SLC25A24: variants seen among roughly 807,000 people sequenced by gnomAD.
SLC25A24 encodes mitochondrial adenyl nucleotide antiporter SLC25A24.
Under a neutral mutation model 60.7 loss-of-function variants are expected in SLC25A24, and 49 were observed. The observed-to-expected ratio is 0.81, with a 90% CI of 0.64 to 1.02. The LOEUF is 1.02. SLC25A24 is among the 50% of genes least tolerant of loss of function. The probability of loss-of-function intolerance (pLI) is 0.00; values close to 1 mark genes in which losing one functional copy is unlikely to be tolerated. For missense variants in SLC25A24, 564 were observed against 586.3 expected (o/e 0.96, Z 0.39); for synonymous variants, 202 against 200.6 (o/e 1.01, Z -0.06).
At chr1:108,170,848 C>T (rs1361025226) in intron 3 of SLC25A24, among the ~76,000 whole-genome samples, 4 of 152,002 alleles carry the variant, frequency 2.6e-5, no homozygotes, top group Non-Finnish European at 5.9e-5. Flanking sequence ...GAAGACTAAA[C>T]TGAGAAAGTC....
intron 1 of SLC25A24, among the ~76,000 whole-genome samples, chr1:108,197,427 C>T (rs1648527983): frequency 6.6e-6 from 1 of 152,192 alleles, no homozygotes; most frequent in South Asian, 2.1e-4. Context: ...CAAACTACTA[C>T]CTTGAAACTT....
intron 4 of SLC25A24, among the ~76,000 whole-genome samples, chr1:108,160,654 G>A (rs1680044657): frequency 6.6e-6 from 1 of 152,228 alleles, no homozygotes; most frequent in African/African-American, 2.4e-5. Flanking sequence ...CCCCAGCCTG[G>A]GCACCATTGA....
In SLC25A24 at chr1:108,154,966, CG is replaced by C. The variant is rs544533376; in HGVS notation, c.822+16del. On this transcript the variant is annotated intron_variant, in intron 6 of 9. Coordinates refer to ENST00000565488, the MANE Select transcript of SLC25A24 (RefSeq NM_013386.5). ...AACTCCTCTTTGTTAATAAATTCCA[CG>C]GGTGATAACAATTACCTGTTCATAT... is the stretch of plus-strand genomic sequence containing the variant. 1.0e-5 allele frequency: 16 copies of C among 1,576,784 alleles called. 1 individual carries two copies. The African/African-American group carries it at 2.2e-4, about 21-fold the overall frequency.
At position 108,135,229 on chromosome 1, in the gene SLC25A24, T is replaced by A. The variant is rs141563800; in HGVS notation, c.*1424A>T. The A allele has an allele frequency of 3.1e-4, 48 of 152,666 alleles. No homozygotes were observed. Among genetic ancestry groups the A allele is most frequent in the African/African-American group, 1.1e-3 (45 of 41,568 alleles). The allele number at this position is 152,666 out of a possible 1,614,324, so 9.5% of individuals were successfully genotyped here. On this transcript the variant is annotated 3_prime_UTR_variant, in exon 10 of 10. Coordinates refer to ENST00000565488, the MANE Select transcript of SLC25A24 (RefSeq NM_013386.5). ...CAAACATAACTAATATAAATGAAAC[T>A]ACATTTTTAAAAATGTTTCACAAAC...
rs773383769 is a variant in SLC25A24 at position 108,143,621 on chromosome 1, C to A, written c.1020G>T (p.Leu340Phe). 6.2e-7 allele frequency: 1 copy of A among 1,613,618 alleles called. No homozygotes were observed. The highest frequency in any genetic ancestry group is 1.1e-5 in the South Asian group (1 of 91,056). Residue 340 changes from leucine (L) to phenylalanine (F), a missense_variant, in exon 8 of 10, where the codon TTG becomes TTT. Physicochemically the swap from Leu to Phe is conservative, Grantham distance 22. Coordinates refer to ENST00000565488, the MANE Select transcript of SLC25A24 (RefSeq NM_013386.5). ...GAACATAGCCTTTGTAAAAAGCTCC[C>A]AAGCCTTCATGTTTCAAAATCTTCT... Reference protein sequence around the residue: ...CAKKILKHEGLGAFYKGYVPN... With the variant: ...CAKKILKHEGFGAFYKGYVPN...
intron 5 of SLC25A24, 87 bp from the exon 6 acceptor site, chr1:108,155,222 C>A: frequency 1.7e-6 from 2 of 1,160,004 alleles, no homozygotes; most frequent in Non-Finnish European, 2.4e-6. Flanking sequence ...TTTTCAATAC[C>A]CTTTCTAACT....
intron 4 of SLC25A24, among the ~76,000 whole-genome samples, chr1:108,159,968 A>G (rs1680012478): frequency 6.6e-6 from 1 of 151,972 alleles, no homozygotes. Context: ...CCCGTTCTCA[A>G]TGAGCTGTTG....
At chr1:108,185,796 T>C (rs781058878) in intron 2 of SLC25A24, 32 bp downstream of exon 2, 3 of 1,538,946 alleles carry the variant, frequency 1.9e-6, no homozygotes, top group South Asian at 2.4e-5. Context: ...TGCTTCTTCA[T>C]AGCTGGTGAT....
At chr1:108,180,623 T>TCTCC (rs1553256134) in intron 3 of SLC25A24, among the ~76,000 whole-genome samples, 96 of 5,526 alleles carry the variant, frequency 0.017, no homozygotes, top group Non-Finnish European at 0.029. Context: ...AAGATCTCTC[T>TCTCC]CTCTCTCTCT....
rs749551277 is a variant in SLC25A24 at position 108,181,982 on chromosome 1, A to G, written c.357T>C (p.Gly119=). ...CTGCTTGTTGTTCAGAAATAGTCAG[A>G]CCCAGTGTCTGGAGAGACTGGACAA... ...SEIVQSLQTL[G]LTISEQQAEL... Residue 119 remains glycine (G), a synonymous_variant, in exon 3 of 10, where the codon GGT becomes GGC. Coordinates refer to ENST00000565488, the MANE Select transcript of SLC25A24 (RefSeq NM_013386.5). 1 of 1,613,176 alleles carries G rather than the reference A, an allele frequency of 6.2e-7. No homozygotes were observed. Among genetic ancestry groups the G allele is most frequent in the Admixed American group, 1.7e-5 (1 of 59,930 alleles).
At position 108,161,280 on chromosome 1, in the gene SLC25A24, C is replaced by T; in HGVS notation, c.412G>A (p.Gly138Arg). The change falls in exon 4 of 10, where the codon GGG becomes AGG. Residue 138 changes from glycine (G) to arginine (R), a missense_variant. By Grantham distance (125) the Gly-to-Arg change is moderately radical. Transcript: ENST00000565488. ...TCATTCCAGTCCACTGTCATTGTCC[C>T]ATCAACATCAATGCTGAAATTTTAA... ...ELILQSIDVDGTMTVDWNEWR... is the reference protein window; with the variant it reads ...ELILQSIDVDRTMTVDWNEWR... 6.4e-7 allele frequency: 1 copy of T among 1,562,436 alleles called. No individual in the cohort carries two copies. The highest frequency in any genetic ancestry group is 1.1e-5 in the South Asian group (1 of 87,158).
Position 108,138,102 on chromosome 1 carries a change from G to T in SLC25A24, c.1249+956C>A, listed in dbSNP as rs549639003. Among the ~76,000 whole-genome samples, 3 of 152,334 alleles carry T rather than the reference G, an allele frequency of 2.0e-5. No individual in the cohort carries two copies. The East Asian group carries it at 5.8e-4, about 29-fold the overall frequency. ...TCTGCAGCGCCCAAGTTAGGTTATA[G>T]CTCCTTGCTCTGTGCTCCCCTAACA... is the stretch of plus-strand genomic sequence containing the variant. On this transcript the variant is annotated intron_variant, in intron 9 of 9. Transcript: ENST00000565488.
rs754683992 is a variant in SLC25A24 at position 108,143,538 on chromosome 1, C to T, written c.1098+5G>A. 1.9e-6 allele frequency: 3 copies of T among 1,597,416 alleles called. No individual in the cohort carries two copies. The highest frequency in any genetic ancestry group is 2.6e-6 in the Non-Finnish European group (3 of 1,174,138). On this transcript the variant is annotated splice_donor_5th_base_variant and intron_variant, in intron 8 of 9. Coordinates refer to ENST00000565488, the MANE Select transcript of SLC25A24 (RefSeq NM_013386.5). ...TTCCAATTCAAAAGATTTCTACAAA[C>T]TCACCTCATACACAGCAAGATCTAT...
At chr1:108,153,406 C>A (rs1275967057) in intron 6 of SLC25A24, among the ~76,000 whole-genome samples, 2 of 152,164 alleles carry the variant, frequency 1.3e-5, no homozygotes, top group Admixed American at 1.3e-4. Context: ...AGCCTATTTA[C>A]CCCGAAGTAA....
chr1:108,158,808 T>C (rs1367663956), intron 4 of SLC25A24, among the ~76,000 whole-genome samples: 1 of 151,376 alleles, frequency 6.6e-6, no homozygotes, highest in East Asian at 1.9e-4. Flanking sequence ...GAGACCATCC[T>C]GGCTAACACG....
At position 108,200,167 on chromosome 1, in the gene SLC25A24, A is replaced by T; in HGVS notation, c.-29T>A. On this transcript the variant is annotated 5_prime_UTR_variant, in exon 1 of 10. Transcript: ENST00000565488. ...CCCAGAGGCGCAGGCGGCCTGGCCG[A>T]GGAAGTCACGGGAGATCGAGGGCTG... 6.5e-7 allele frequency: 1 copy of T among 1,533,372 alleles called. No homozygotes were observed. Among genetic ancestry groups the T allele is most frequent in the Non-Finnish European group, 8.7e-7 (1 of 1,143,458 alleles). 95.0% of individuals were successfully genotyped at this position (1,533,372 alleles called of 1,614,324 possible). A position where few individuals can be genotyped will look rare whatever the true frequency, so the allele number is the denominator to read the frequency against.
intron 3 of SLC25A24, among the ~76,000 whole-genome samples, chr1:108,172,319 CTGTTTTGTGT>C (rs1191037693): frequency 6.6e-6 from 1 of 152,148 alleles, no homozygotes; most frequent in Non-Finnish European, 1.5e-5. Flanking sequence ...CTGTGTTAGT[CTGTTTTGTGT>C]TGTTTTAAAC....
intron 3 of SLC25A24, among the ~76,000 whole-genome samples, chr1:108,171,473 G>A (rs1170846713): frequency 6.6e-6 from 1 of 152,164 alleles, no homozygotes; most frequent in South Asian, 2.1e-4. Context: ...GCCCACTATG[G>A]TCTAGAGAGT....
chr1:108,161,225 A>C lies in SLC25A24; in HGVS notation c.467T>G (p.Val156Gly). The change falls in exon 4 of 10, where the codon GTT becomes GGT. Residue 156 changes from valine to glycine, a missense_variant. Physicochemically the swap from Val to Gly is moderately radical, Grantham distance 109. Transcript: ENST00000565488. ...EWRDYFLFNPVTDIEEIIRFW... is the reference protein window; with the variant it reads ...EWRDYFLFNPGTDIEEIIRFW... ...ACGGATAATTTCCTCAATGTCTGTA[A>C]CAGGATTAAATAAGAAGTAGTCTCT... 6.2e-7 allele frequency: 1 copy of C among 1,600,332 alleles called. No individual in the cohort carries two copies. Among genetic ancestry groups the C allele is most frequent in the Non-Finnish European group, 8.6e-7 (1 of 1,167,912 alleles).
Sources: allele counts gnomAD v4.1 joint callset (sites outside exome capture counted in the v4.1 genomes callset), GRCh38; gene constraint gnomAD v4.1.1; transcripts MANE v1.5; gene names NCBI Gene and HGNC (gene_info 2026-07-23, HGNC 2026-07-21).